Variants in SLC2A9 observed in about 807,000 individuals in gnomAD.
The protein encoded by SLC2A9 is solute carrier family 2 member 9, also known as solute carrier family 2, facilitated glucose transporter member 9.
A neutral mutation model predicts 50.6 loss-of-function variants in SLC2A9; 39 were observed. The observed-to-expected ratio is 0.77, with a 90% CI of 0.60 to 1.01. The LOEUF is 1.01. Ranked by LOEUF, SLC2A9 falls within the 50% of genes least tolerant of loss-of-function variation. The pLI, the probability that SLC2A9 is intolerant of heterozygous loss-of-function variation, is 0.00. For synonymous variants in SLC2A9, 324 were observed against 276.9 expected (o/e 1.17, Z -1.69); for missense variants, 686 against 677.6 (o/e 1.01, Z -0.14).
intron 10 of SLC2A9, among the ~76,000 whole-genome samples, chr4:9,858,035 G>T (rs1009349311): frequency 3.9e-5 from 6 of 152,192 alleles, no homozygotes; most frequent in African/African-American, 1.4e-4. Flanking sequence ...GCAAATCAGA[G>T]CAGTTGGTCA....
upstream of SLC2A9, chr4:10,025,709 T>C (rs1763727005): frequency 1.7e-6 from 1 of 589,168 alleles, no homozygotes; most frequent in Admixed American, 3.0e-5. Flanking sequence ...TCAATTTCAC[T>C]CTTCTGAGCC....
chr4:9,820,682 T>C (rs975055001), intron 3 of SLC2A9, among the ~76,000 whole-genome samples: 2 of 152,220 alleles, frequency 1.3e-5, no homozygotes, highest in Non-Finnish European at 2.9e-5. Context: ...TTTAACCAAG[T>C]ATTTCTTGTT....
At chr4:9,892,625 C>A (rs758605150) in intron 8 of SLC2A9, among the ~76,000 whole-genome samples, 6 of 152,172 alleles carry the variant, frequency 3.9e-5, no homozygotes, top group Non-Finnish European at 8.8e-5. Context: ...ATGATAATAC[C>A]ATTTTTGCAG....
chr4:9,782,836 G>C, intron 3 of SLC2A9: 3 of 1,613,010 alleles, frequency 1.9e-6, no homozygotes, highest in Non-Finnish European at 2.5e-6. Context: ...CAGAGCACGC[G>C]CAGAGCTGCC....
At chr4:10,036,708 C>A (rs1017122895) in intron 1 of SLC2A9, among the ~76,000 whole-genome samples, 1 of 152,202 alleles carries the variant, frequency 6.6e-6, no homozygotes, top group African/African-American at 2.4e-5. Context: ...GTAGTGAGCA[C>A]GTATGGGTAA....
intron 2 of SLC2A9, among the ~76,000 whole-genome samples, chr4:9,998,439 C>CT (rs758436119): frequency 3.9e-5 from 6 of 152,138 alleles, no homozygotes; most frequent in Non-Finnish European, 7.4e-5. Flanking sequence ...CAAATGAGAG[C>CT]TTGAAGCAGT....
chr4:9,965,772 A>G (rs1286043083), intron 5 of SLC2A9, among the ~76,000 whole-genome samples: 1 of 152,102 alleles, frequency 6.6e-6, no homozygotes, highest in Non-Finnish European at 1.5e-5. Context: ...AAATGGTGTA[A>G]ATTTATATAG....
chr4:9,879,836 A>G, intron 10 of SLC2A9: 11 of 985,426 alleles, frequency 1.1e-5, no homozygotes, highest in Non-Finnish European at 1.3e-5. Flanking sequence ...ATTTTGCCTC[A>G]TTTATTAGAC....
chr4:9,912,120 T>C (rs1327179222), intron 7 of SLC2A9, among the ~76,000 whole-genome samples: 1 of 151,918 alleles, frequency 6.6e-6, no homozygotes, highest in Admixed American at 6.6e-5. Context: ...AAGGGGAATA[T>C]CACACACCAG....
chr4:9,920,833 C>T (rs748591365), intron 6 of SLC2A9, among the ~76,000 whole-genome samples: 16 of 152,186 alleles, frequency 1.1e-4, no homozygotes, highest in East Asian at 3.9e-4. Context: ...CTTGACTGTC[C>T]GCAACGCAAG....
At chr4:9,773,898 GAGAC>G (rs1364888612) in intron 1 of SLC2A9, among the ~76,000 whole-genome samples, 10 of 152,248 alleles carry the variant, frequency 6.6e-5, no homozygotes, top group African/African-American at 2.4e-4. Flanking sequence ...GAAGGCTGTG[GAGAC>G]CTAGCTGCAC....
intron 6 of SLC2A9, among the ~76,000 whole-genome samples, chr4:9,922,415 A>G (rs1191766486): frequency 1.3e-5 from 2 of 152,162 alleles, no homozygotes; most frequent in Non-Finnish European, 2.9e-5. Context: ...GCAAACCACT[A>G]TGGCGCATGT....
chr4:9,890,769 G>C, intron 8 of SLC2A9, 58 bp from the exon 9 acceptor site: 1 of 1,480,726 alleles, frequency 6.8e-7, no homozygotes, highest in East Asian at 2.3e-5. Context: ...CCACAACAGG[G>C]GAATGTGGCA....
At chr4:9,835,272 G>A (rs1194861360) in intron 10 of SLC2A9, among the ~76,000 whole-genome samples, 2 of 151,018 alleles carry the variant, frequency 1.3e-5, no homozygotes, top group African/African-American at 4.9e-5. Flanking sequence ...CACAACCCAA[G>A]CCAACCCTAC....
At chr4:9,812,912 G>T (rs754949785) in intron 3 of SLC2A9, among the ~76,000 whole-genome samples, 6 of 152,208 alleles carry the variant, frequency 3.9e-5, no homozygotes, top group Non-Finnish European at 5.9e-5. Flanking sequence ...CAGGGGAAGT[G>T]ATTTTGATAA....
intron 8 of SLC2A9, among the ~76,000 whole-genome samples, chr4:9,899,113 T>C (rs1454819261): frequency 2.0e-5 from 3 of 152,088 alleles, no homozygotes; most frequent in Non-Finnish European, 2.9e-5. Flanking sequence ...CAGAGAGAAA[T>C]GTAAATGCTG....
At chr4:9,776,262 G>A (rs531465423), downstream of SLC2A9, among the ~76,000 whole-genome samples, 4 of 150,652 alleles carry the variant, frequency 2.7e-5, no homozygotes, top group African/African-American at 7.3e-5. Context: ...ATAATTAAAT[G>A]AGGGGCAGGA....
intron 3 of SLC2A9, among the ~76,000 whole-genome samples, chr4:9,807,409 C>G (rs1054337342): frequency 2.0e-5 from 3 of 152,208 alleles, no homozygotes; most frequent in East Asian, 1.9e-4. Flanking sequence ...TGATCTCCCC[C>G]ACATTCCCTG....
chr4:9,824,322 AAGTTT>A (rs1274191471), downstream of SLC2A9, among the ~76,000 whole-genome samples: 2 of 151,950 alleles, frequency 1.3e-5, no homozygotes, highest in Non-Finnish European at 2.9e-5. Context: ...AAAAAAAAAA[AAGTTT>A]GTTTGTCTAT....
Sources: allele counts gnomAD v4.1 joint callset (sites outside exome capture counted in the v4.1 genomes callset), GRCh38; gene constraint gnomAD v4.1.1; transcripts MANE v1.5; gene names NCBI Gene and HGNC (gene_info 2026-07-23, HGNC 2026-07-21).